The following SEMA3C variants were observed in gnomAD, a reference collection of about 807,000 sequenced individuals.
The protein encoded by SEMA3C is semaphorin-3C.
In SEMA3C, 47 loss-of-function variants were observed where a neutral mutation model predicts 89.4. The ratio of observed to expected loss-of-function variants is 0.53; its 90% CI spans 0.42 to 0.67. The LOEUF is 0.67. Ranked by LOEUF, SEMA3C falls within the 30% of genes least tolerant of loss-of-function variation. SEMA3C has a pLI of 0.00. For synonymous variants in SEMA3C, 310 were observed against 320.2 expected (o/e 0.97, Z 0.34); for missense variants, 839 against 929.1 (o/e 0.90, Z 1.26).
chr7:80,814,120 G>A lies in SEMA3C; in HGVS notation c.448-3419C>T, dbSNP rs142005970. Among the ~76,000 whole-genome samples the A allele has an allele frequency of 7.4e-3, 997 of 134,408 alleles. 12 individuals are homozygous for A. Among genetic ancestry groups the A allele is most frequent in the African/African-American group, 0.025 (894 of 35,320 alleles). 88.2% of individuals were successfully genotyped at this position (134,408 alleles called of 152,430 possible). A position where few individuals can be genotyped will look rare whatever the true frequency, so the allele number is the denominator to read the frequency against. On this transcript the variant is annotated intron_variant, in intron 5 of 17. Transcript: ENST00000265361. ...TTTTTTTTATTTAAGACAGAGTCTC[G>A]CTCTGTCGCCCAGGCTGGAGTTCAG...
At chr7:80,861,449 C>A (rs1790768935) in intron 2 of SEMA3C, among the ~76,000 whole-genome samples, 1 of 151,884 alleles carries the variant, frequency 6.6e-6, no homozygotes, top group African/African-American at 2.4e-5. Context: ...ATAAAATGTC[C>A]AAATTTTAGA....
At chr7:80,861,827 T>A (rs538152641) in intron 2 of SEMA3C, among the ~76,000 whole-genome samples, 2 of 152,242 alleles carry the variant, frequency 1.3e-5, no homozygotes, top group South Asian at 4.1e-4. Flanking sequence ...CATAAACAGA[T>A]TTTAAAACCA....
At position 80,804,094 on chromosome 7, in the gene SEMA3C, A is replaced by C. The variant is rs201087109; in HGVS notation, c.801+12T>G. On this transcript the variant is annotated intron_variant, in intron 8 of 17. Transcript: ENST00000265361. Reference sequence around the variant, plus strand: ...TGGTCTTTCTTCAAATCGGAACAGCATTAATACTTACAGGACATATTCGAG... The same window carrying C: ...TGGTCTTTCTTCAAATCGGAACAGCCTTAATACTTACAGGACATATTCGAG... The C allele has an allele frequency of 8.7e-6, 14 of 1,603,316 alleles. No individual in the cohort carries two copies. Among genetic ancestry groups the C allele is most frequent in the Non-Finnish European group, 1.0e-5 (12 of 1,174,780 alleles).
At chr7:80,762,521 T>C (rs1788208496) in intron 13 of SEMA3C, among the ~76,000 whole-genome samples, 1 of 152,192 alleles carries the variant, frequency 6.6e-6, no homozygotes, top group Middle Eastern at 3.2e-3. Flanking sequence ...TTTTAATGAT[T>C]AAAAATTAGA....
intron 2 of SEMA3C, among the ~76,000 whole-genome samples, chr7:80,908,898 G>A (rs1364473640): frequency 6.6e-6 from 1 of 152,036 alleles, no homozygotes; most frequent in Admixed American, 6.6e-5. Flanking sequence ...CAAATCTGTG[G>A]TTATTCATAA....
At chr7:80,818,145 T>G (rs1349074398) in intron 5 of SEMA3C, among the ~76,000 whole-genome samples, 154 bp downstream of exon 5, 1 of 152,078 alleles carries the variant, frequency 6.6e-6, no homozygotes, top group African/African-American at 2.4e-5. Context: ...TTCAAGTAAC[T>G]TGGCAGACAG....
At chr7:80,827,392 GTTTTTTTTTT>G (rs36066966) in intron 4 of SEMA3C, 23 bp downstream of exon 4, 22 of 1,234,284 alleles carry the variant, frequency 1.8e-5, no homozygotes, top group East Asian at 3.1e-5. Context: ...TTAAGTTAGT[GTTTTTTTTTT>G]TTTTTTTTTT....
chr7:80,795,169 G>A (rs542596104), intron 11 of SEMA3C, among the ~76,000 whole-genome samples: 1 of 152,276 alleles, frequency 6.6e-6, no homozygotes, highest in East Asian at 1.9e-4. Context: ...CTTGGCTGCA[G>A]GTGGTTCGGC....
intron 12 of SEMA3C, among the ~76,000 whole-genome samples, chr7:80,771,812 T>G (rs1485797122): frequency 2.6e-5 from 4 of 152,148 alleles, no homozygotes; most frequent in African/African-American, 4.8e-5. Context: ...GTTGCTAACC[T>G]ATAAATGTAT....
At chr7:80,914,129 CT>C (rs943405834) in intron 2 of SEMA3C, among the ~76,000 whole-genome samples, 1 of 152,174 alleles carries the variant, frequency 6.6e-6, no homozygotes, top group Non-Finnish European at 1.5e-5. Flanking sequence ...TTGAAACTAT[CT>C]GAATTTCTGC....
rs780982882 is a variant in SEMA3C, at chr7:80,818,387, T to C, written c.359A>G (p.Gln120Arg). 2.5e-6 allele frequency: 4 copies of C among 1,613,366 alleles called. No individual in the cohort carries two copies. In the East Asian group the frequency reaches 8.9e-5, roughly 36 times the overall value. The change falls in exon 5 of 18, where the codon CAG becomes CGG. Residue 120 changes from glutamine (Q) to arginine (R), a missense_variant. By Grantham distance (43) the Gln-to-Arg change is conservative. Coordinates refer to ENST00000265361, the MANE Select transcript of SEMA3C (RefSeq NM_006379.5). ...HGCGNFVRVI[Q>R]TFNRTHLYVC... ...ATACAAATGTGTGCGATTGAAAGTCTGAATTACACGGACAAAGTTCCCACA... is the reference window on the plus strand; with the variant it reads ...ATACAAATGTGTGCGATTGAAAGTCCGAATTACACGGACAAAGTTCCCACA...
chr7:80,773,362 A>G (rs1788476676), intron 12 of SEMA3C, among the ~76,000 whole-genome samples: 1 of 152,226 alleles, frequency 6.6e-6, no homozygotes. Flanking sequence ...CAGAGTTGGC[A>G]TAGAAACAAG....
chr7:80,831,324 A>G (rs920657606), intron 2 of SEMA3C, among the ~76,000 whole-genome samples: 5 of 152,158 alleles, frequency 3.3e-5, no homozygotes, highest in Non-Finnish European at 5.9e-5. Flanking sequence ...TAATAATAGC[A>G]TCTACCTCAT....
Position 80,916,665 on chromosome 7 carries a change from A to G in SEMA3C, c.103+14T>C, listed in dbSNP as rs1359715316. The G allele has an allele frequency of 6.2e-7, 1 of 1,601,516 alleles. No individual in the cohort carries two copies. Among genetic ancestry groups the G allele is most frequent in the Admixed American group, 1.7e-5 (1 of 57,502 alleles). ...AAATAACATTTTTCCCAGAGTGTTT[A>G]TCAACTCTCTTACCATCAAATGTTA... On this transcript the variant is annotated intron_variant, in intron 2 of 17. Coordinates refer to ENST00000265361, the MANE Select transcript of SEMA3C (RefSeq NM_006379.5).
At chr7:80,810,019 C>T (rs1789431004) in intron 6 of SEMA3C, among the ~76,000 whole-genome samples, 1 of 152,030 alleles carries the variant, frequency 6.6e-6, no homozygotes, top group South Asian at 2.1e-4. Context: ...ATCTACTATA[C>T]TGCACAGTGA....
intron 2 of SEMA3C, among the ~76,000 whole-genome samples, chr7:80,858,839 A>G (rs190312966): frequency 1.1e-4 from 17 of 152,308 alleles, no homozygotes; most frequent in African/African-American, 3.8e-4. Context: ...TAAATAGAGC[A>G]AGTATGAATT....
intron 2 of SEMA3C, among the ~76,000 whole-genome samples, chr7:80,883,702 A>G (rs992283109): frequency 6.6e-6 from 1 of 152,234 alleles, no homozygotes; most frequent in Non-Finnish European, 1.5e-5. Flanking sequence ...GCCCTAAGGC[A>G]TGTTTCAAAA....
intron 2 of SEMA3C, among the ~76,000 whole-genome samples, chr7:80,882,944 T>TAAC (rs60567057): frequency 0.016 from 2,468 of 151,212 alleles, 51 homozygotes; most frequent in African/African-American, 0.05. Flanking sequence ...CCCTCTTATA[T>TAAC]AACAACAACA....
chr7:80,868,353 C>T (rs1172106320), intron 2 of SEMA3C, among the ~76,000 whole-genome samples: 3 of 152,184 alleles, frequency 2.0e-5, no homozygotes, highest in East Asian at 3.9e-4. Context: ...CTGCAACCTC[C>T]ACCTCCCAGG....
Sources: allele counts gnomAD v4.1 joint callset (sites outside exome capture counted in the v4.1 genomes callset), GRCh38; gene constraint gnomAD v4.1.1; transcripts MANE v1.5; gene names NCBI Gene and HGNC (gene_info 2026-07-23, HGNC 2026-07-21).